DPYD: variants seen among roughly 807,000 people sequenced by gnomAD.
DPYD encodes dihydropyrimidine dehydrogenase [NADP(+)].
Under a neutral mutation model 116.2 loss-of-function variants are expected in DPYD, and 109 were observed. That is an observed-to-expected ratio of 0.94 (90% CI 0.80 to 1.10). The LOEUF (loss-of-function observed/expected upper bound fraction) is 1.10, where lower values mean the gene tolerates loss of function less well. Among genes scored for constraint, DPYD ranks in the 50% least tolerant of loss-of-function variants. The pLI is 0.00. For synonymous variants in DPYD, 440 were observed against 432.0 expected (o/e 1.02, Z -0.23); for missense variants, 1,302 against 1,254.5 (o/e 1.04, Z -0.57).
At position 97,561,759 on chromosome 1, in the gene DPYD, C is replaced by A. The variant is rs545478080; in HGVS notation, c.1339+12001G>T. Among the ~76,000 whole-genome samples the A allele has an allele frequency of 1.1e-4, 16 of 152,276 alleles. No homozygotes were observed. The South Asian group carries it at 3.3e-3, about 32-fold the overall frequency. On this transcript the variant is annotated intron_variant, in intron 11 of 22. Coordinates refer to ENST00000370192, the MANE Select transcript of DPYD (RefSeq NM_000110.4). ...TTTCGCATATACCTTATAATCTAGA[C>A]GAAGAAACTCCCCCATGTATTCATC...
rs770566506 is a variant in DPYD, at chr1:97,593,370, A to G, written c.976T>C (p.Ser326Pro). Residue 326 changes from serine to proline, a missense_variant, in exon 10 of 23, where the codon TCT becomes CCT. By Grantham distance (74) the Ser-to-Pro change is moderately conservative (BLOSUM62 -1). Coordinates refer to ENST00000370192, the MANE Select transcript of DPYD (RefSeq NM_000110.4). ...GSKAGMCACH[S>P]PLPSIRGVVI... Reference sequence around the variant, plus strand: ...ACTCCCCGTATCGATGGCAATGGAGAGTGACAGGCGCACATTCCTGAATGA... The same window carrying G: ...ACTCCCCGTATCGATGGCAATGGAGGGTGACAGGCGCACATTCCTGAATGA... 18 of 1,613,966 alleles carry G rather than the reference A, an allele frequency of 1.1e-5. No individual in the cohort carries two copies. The African/African-American group carries it at 2.3e-4, about 20-fold the overall frequency.
intron 1 of DPYD, among the ~76,000 whole-genome samples, chr1:97,901,604 T>C (rs1032879493): frequency 1.3e-5 from 2 of 151,768 alleles, no homozygotes; most frequent in African/African-American, 2.4e-5. Flanking sequence ...AGGGGAATAG[T>C]ATGCACAGAA....
chr1:97,198,957 C>T (rs1454327397), intron 19 of DPYD, among the ~76,000 whole-genome samples: 2 of 152,122 alleles, frequency 1.3e-5, no homozygotes, highest in Non-Finnish European at 2.9e-5. Context: ...CAAATAGCCT[C>T]CTCCAGGGGT....
At chr1:97,601,797 T>G (rs1401591426) in intron 8 of DPYD, among the ~76,000 whole-genome samples, 1 of 152,018 alleles carries the variant, frequency 6.6e-6, no homozygotes, top group Admixed American at 6.5e-5. Flanking sequence ...CTGCTGTAAA[T>G]GCGTTTAGTA....
At chr1:97,664,076 C>A (rs1367495294) in intron 8 of DPYD, among the ~76,000 whole-genome samples, 1 of 152,082 alleles carries the variant, frequency 6.6e-6, no homozygotes, top group Non-Finnish European at 1.5e-5. Flanking sequence ...ACATTAATCA[C>A]AGATCAGGAA....
At chr1:97,576,923 C>T (rs181818895) in intron 10 of DPYD, among the ~76,000 whole-genome samples, 149 of 152,044 alleles carry the variant, frequency 9.8e-4, no homozygotes, top group Non-Finnish European at 1.9e-3. Context: ...CTATTTAGCT[C>T]GATAGCTAGA....
At chr1:97,565,462 C>T (rs907786241) in intron 11 of DPYD, among the ~76,000 whole-genome samples, 1 of 152,098 alleles carries the variant, frequency 6.6e-6, no homozygotes, top group Non-Finnish European at 1.5e-5. Flanking sequence ...TATATTTTAG[C>T]CATATTTCCT....
intron 18 of DPYD, 41 bp downstream of exon 18, chr1:97,305,218 A>C (rs1423359349): frequency 6.2e-7 from 1 of 1,611,156 alleles, no homozygotes; most frequent in Non-Finnish European, 8.5e-7. Flanking sequence ...TTTTTCAGCA[A>C]CCTCCAAGAA....
At chr1:97,471,353 T>C (rs1677638604) in intron 13 of DPYD, among the ~76,000 whole-genome samples, 1 of 152,114 alleles carries the variant, frequency 6.6e-6, no homozygotes, top group African/African-American at 2.4e-5. Context: ...ACCAAATATC[T>C]TGGATACAGA....
intron 20 of DPYD, among the ~76,000 whole-genome samples, chr1:97,127,313 T>C (rs941006536): frequency 6.6e-6 from 1 of 152,140 alleles, no homozygotes; most frequent in Admixed American, 6.5e-5. Context: ...GCTGATGGTA[T>C]GTTGAAAAGG....
chr1:97,573,322 T>C (rs536781414), intron 11 of DPYD, among the ~76,000 whole-genome samples: 2 of 152,226 alleles, frequency 1.3e-5, no homozygotes, highest in South Asian at 4.1e-4. Context: ...TTCTGACATC[T>C]GAAGTGATGA....
At chr1:97,241,514 A>G (rs2100773559) in intron 18 of DPYD, among the ~76,000 whole-genome samples, 1 of 152,152 alleles carries the variant, frequency 6.6e-6, no homozygotes, top group East Asian at 1.9e-4. Context: ...AGTCTCTGCG[A>G]CATGAAAGTT....
intron 14 of DPYD, among the ~76,000 whole-genome samples, chr1:97,441,078 G>A (rs1043119744): frequency 3.0e-4 from 46 of 152,198 alleles, no homozygotes; most frequent in Non-Finnish European, 1.5e-5. Context: ...TTTCTGTACA[G>A]AACATGTCTT....
chr1:97,705,616 C>T (rs1661899696), intron 5 of DPYD, among the ~76,000 whole-genome samples: 1 of 151,992 alleles, frequency 6.6e-6, no homozygotes, highest in African/African-American at 2.4e-5. Context: ...GTCTTTATAG[C>T]AGCATGATTT....
At chr1:97,080,633 A>T (rs1033013119) in intron 22 of DPYD, among the ~76,000 whole-genome samples, 11 of 152,166 alleles carry the variant, frequency 7.2e-5, no homozygotes, top group African/African-American at 2.7e-4. Flanking sequence ...TGTTTGGATG[A>T]GTAAAAACGA....
At chr1:97,291,960 T>G (rs78286597) in intron 18 of DPYD, among the ~76,000 whole-genome samples, 1 of 152,192 alleles carries the variant, frequency 6.6e-6, no homozygotes, top group Admixed American at 6.5e-5. Context: ...TCATTCTCCT[T>G]AAAACAAACA....
chr1:97,185,691 A>G (rs1282555416), intron 20 of DPYD, among the ~76,000 whole-genome samples: 1 of 152,198 alleles, frequency 6.6e-6, no homozygotes, highest in Non-Finnish European at 1.5e-5. Flanking sequence ...TATTATAGTG[A>G]GTGAAAGTTG....
chr1:97,531,773 T>C (rs549961731), intron 12 of DPYD, among the ~76,000 whole-genome samples: 5 of 152,290 alleles, frequency 3.3e-5, no homozygotes, highest in African/African-American at 1.2e-4. Flanking sequence ...TGTCTTTCCA[T>C]TTAGTTTTGT....
intron 8 of DPYD, among the ~76,000 whole-genome samples, chr1:97,611,901 T>A (rs1200037515): frequency 1.3e-5 from 2 of 152,054 alleles, no homozygotes; most frequent in Non-Finnish European, 2.9e-5. Context: ...GTATTCTGAT[T>A]CATTCATTCA....
Sources: gnomAD v4.1 joint callset for allele counts (sites outside exome capture counted in the v4.1 genomes callset) on GRCh38, gnomAD v4.1.1 for gene constraint, MANE v1.5 for transcripts, NCBI Gene and HGNC (gene_info 2026-07-23, HGNC 2026-07-21) for gene names.